LRRC7: variants seen among roughly 807,000 people sequenced by gnomAD.
LRRC7 encodes leucine rich repeat containing 7, also known as leucine-rich repeat-containing protein 7.
Under a neutral mutation model 175.7 loss-of-function variants are expected in LRRC7, and 23 were observed. That is an observed-to-expected ratio of 0.13 (90% confidence interval 0.09 to 0.19). The LOEUF is 0.19. LRRC7 is among the 10% of genes least tolerant of loss of function. The pLI is 1.00. For missense variants in LRRC7, 1,354 were observed against 1,904.7 expected, an observed-to-expected ratio of 0.71 and a Z score of 5.38; for synonymous variants, 685 against 680.9, an observed-to-expected ratio of 1.01 and a Z score of -0.09.
intron 8 of LRRC7, among the ~76,000 whole-genome samples, chr1:69,959,023 A>G (rs1650781781): frequency 6.6e-6 from 1 of 152,080 alleles, no homozygotes; most frequent in African/African-American, 2.4e-5. Context: ...TAAAAAGAGG[A>G]CAGTTTTGAC....
chr1:69,623,999 A>G (rs897923662), intron 1 of LRRC7, among the ~76,000 whole-genome samples: 2 of 152,172 alleles, frequency 1.3e-5, no homozygotes, highest in African/African-American at 4.8e-5. Flanking sequence ...TTCAGTGAAC[A>G]TTCATTTCGT....
chr1:69,639,869 C>A (rs547573865), intron 1 of LRRC7, among the ~76,000 whole-genome samples: 3 of 151,512 alleles, frequency 2.0e-5, no homozygotes, highest in African/African-American at 7.3e-5. Context: ...AAAAAAAAAT[C>A]GGTTAATAAT....
chr1:70,115,592 G>A (rs1383683718), intron 26 of LRRC7, among the ~76,000 whole-genome samples: 2 of 152,096 alleles, frequency 1.3e-5, no homozygotes, highest in Non-Finnish European at 2.9e-5. Context: ...CCTGGAAAAT[G>A]TGCATCAAAT....
At chr1:70,012,587 T>C (rs1017620674) in intron 12 of LRRC7, among the ~76,000 whole-genome samples, 3 of 151,770 alleles carry the variant, frequency 2.0e-5, no homozygotes, top group African/African-American at 7.2e-5. Flanking sequence ...AAAACTAACT[T>C]TGCCTAGGAA....
chr1:69,911,325 T>C (rs187971780), intron 7 of LRRC7, among the ~76,000 whole-genome samples: 10 of 152,354 alleles, frequency 6.6e-5, no homozygotes, highest in African/African-American at 2.4e-4. Flanking sequence ...GAGCTGTTCC[T>C]ATTCGGCCTT....
At chr1:69,855,674 A>G (rs1427905017) in intron 7 of LRRC7, among the ~76,000 whole-genome samples, 18 of 151,992 alleles carry the variant, frequency 1.2e-4, no homozygotes, top group Non-Finnish European at 2.1e-4. Flanking sequence ...CAATTCCTGG[A>G]TATCCTTGTT....
At chr1:69,995,520 A>G (rs1654854929) in intron 11 of LRRC7, among the ~76,000 whole-genome samples, 3 of 151,780 alleles carry the variant, frequency 2.0e-5, no homozygotes, top group Admixed American at 1.3e-4. Context: ...CTCATCTAGC[A>G]TTAGGTATAT....
In LRRC7 at chr1:69,939,025, ATATATC is replaced by A. The variant is rs1557910975; in HGVS notation, c.711+7461_711+7466del. Among the ~76,000 whole-genome samples, 36 of 91,420 alleles carry A rather than the reference ATATATC, an allele frequency of 3.9e-4. 1 individual carries two copies. The highest frequency in any genetic ancestry group is 1.0e-3 in the African/African-American group (29 of 28,708). The allele number at this position is 91,420 out of a possible 152,430, so 60.0% of individuals were successfully genotyped here. ...TATATATATATATATCTATATATAT[ATATATC>A]TATATATATCTATATCTATCTCACA... On this transcript the variant is annotated intron_variant, in intron 8 of 26. Transcript: ENST00000651989.
intron 2 of LRRC7, among the ~76,000 whole-genome samples, chr1:69,749,534 C>T (rs1271274138): frequency 2.6e-5 from 4 of 152,096 alleles, no homozygotes; most frequent in South Asian, 2.1e-4. Context: ...AAGAGTGAGA[C>T]GGAATATTCT....
chr1:69,989,057 A>G (rs898044124), intron 10 of LRRC7, among the ~76,000 whole-genome samples: 4 of 152,226 alleles, frequency 2.6e-5, no homozygotes, highest in African/African-American at 9.6e-5. Flanking sequence ...TAAAAGAATA[A>G]CAATTAGGTG....
At position 70,124,500 on chromosome 1, in the gene LRRC7, G is replaced by A. The variant is rs574496963; in HGVS notation, c.*2613G>A. On this transcript the variant is annotated 3_prime_UTR_variant, in exon 27 of 27. Transcript: ENST00000651989. Reference sequence around the variant, plus strand: ...AGATTGTGCCACTGCACTCCGGCCTGGGCAACAGAGCGAAACTCTGTCTCA... The same window carrying A: ...AGATTGTGCCACTGCACTCCGGCCTAGGCAACAGAGCGAAACTCTGTCTCA... Among the ~76,000 whole-genome samples the A allele has an allele frequency of 9.9e-4, 151 of 152,214 alleles. 1 individual carries two copies. Among genetic ancestry groups the A allele is most frequent in the African/African-American group, 3.6e-3 (150 of 41,536 alleles).
intron 23 of LRRC7, among the ~76,000 whole-genome samples, chr1:70,071,459 T>G (rs1359669986): frequency 6.6e-6 from 1 of 152,132 alleles, no homozygotes; most frequent in African/African-American, 2.4e-5. Context: ...CCCACTGGCC[T>G]AATTTTTAAC....
At position 69,731,608 on chromosome 1, in the gene LRRC7, C is replaced by T. The variant is rs558955293; in HGVS notation, c.101-28583C>T. On this transcript the variant is annotated intron_variant, in intron 2 of 26. Transcript: ENST00000651989. ...GAGAATGATAAATGTATTTAGACAT[C>T]CTCTTCAAAGGTAACTTTTTGTTTG... is the stretch of plus-strand genomic sequence containing the variant. Among the ~76,000 whole-genome samples, 5 of 152,338 alleles carry T rather than the reference C, an allele frequency of 3.3e-5. No individual in the cohort carries two copies. The South Asian group carries it at 1.0e-3, about 32-fold the overall frequency.
intron 2 of LRRC7, among the ~76,000 whole-genome samples, chr1:69,724,785 T>C (rs549819206): frequency 6.6e-6 from 1 of 152,298 alleles, no homozygotes; most frequent in African/African-American, 2.4e-5. Context: ...AATTTTGTGG[T>C]TATTGAATTT....
intron 23 of LRRC7, among the ~76,000 whole-genome samples, chr1:70,069,379 G>C (rs531132247): frequency 6.6e-6 from 1 of 152,132 alleles, no homozygotes; most frequent in African/African-American, 2.4e-5. Context: ...TGAGAACAGC[G>C]TAGGAGAAAC....
chr1:70,069,261 G>C (rs573131233), intron 23 of LRRC7, among the ~76,000 whole-genome samples: 1 of 152,120 alleles, frequency 6.6e-6, no homozygotes, highest in Non-Finnish European at 1.5e-5. Flanking sequence ...GAAGGCAAAG[G>C]AGAAGCAGAC....
At chr1:69,577,603 G>A (rs1371889123) in intron 1 of LRRC7, among the ~76,000 whole-genome samples, 2 of 152,208 alleles carry the variant, frequency 1.3e-5, no homozygotes, top group Non-Finnish European at 2.9e-5. Flanking sequence ...CATATGGCTA[G>A]CCAGTTTTCC....
intron 1 of LRRC7, among the ~76,000 whole-genome samples, chr1:69,618,294 A>G (rs1160451250): frequency 6.6e-6 from 1 of 152,136 alleles, no homozygotes; most frequent in Non-Finnish European, 1.5e-5. Flanking sequence ...GAGGCCAGAG[A>G]GTTATATAAA....
chr1:69,775,960 C>G (rs1672762820), intron 3 of LRRC7, among the ~76,000 whole-genome samples: 1 of 152,070 alleles, frequency 6.6e-6, no homozygotes, highest in African/African-American at 2.4e-5. Flanking sequence ...GCCTCCTAGC[C>G]AGCATTATTT....
Sources: allele counts gnomAD v4.1 joint callset (sites outside exome capture counted in the v4.1 genomes callset), GRCh38; gene constraint gnomAD v4.1.1; transcripts MANE v1.5; gene names NCBI Gene and HGNC (gene_info 2026-07-23, HGNC 2026-07-21).